OR2L13: variants seen among roughly 807,000 people sequenced by gnomAD.
OR2L13 encodes the protein olfactory receptor family 2 subfamily L member 13.
A neutral mutation model predicts 15.3 loss-of-function variants in OR2L13; 14 were observed. The ratio of observed to expected loss-of-function variants is 0.91; its 90% CI spans 0.60 to 1.43. OR2L13 has a LOEUF of 1.43. OR2L13 is among the 40% of genes most tolerant of loss of function. The pLI is 0.00. For missense variants in OR2L13, 367 were observed against 387.9 expected, an observed-to-expected ratio of 0.95 and a Z score of 0.45; for synonymous variants, 152 against 142.9, an observed-to-expected ratio of 1.06 and a Z score of -0.45.
chr1:247,969,775 C>A, the OR2L13 span, among the ~76,000 whole-genome samples: 2 of 152,102 alleles, frequency 1.3e-5, no homozygotes, highest in Non-Finnish European at 2.9e-5. Flanking sequence ...TATTCAGATG[C>A]CTTGCATTTT....
the OR2L13 span, among the ~76,000 whole-genome samples, chr1:247,938,802 T>TA: frequency 6.6e-6 from 1 of 152,210 alleles, no homozygotes; most frequent in East Asian, 1.9e-4. Context: ...ACCACATACC[T>TA]AAAGTACTGC....
At chr1:247,968,016 G>C in the OR2L13 span, among the ~76,000 whole-genome samples, 1 of 151,024 alleles carries the variant, frequency 6.6e-6, no homozygotes, top group Non-Finnish European at 1.5e-5. Flanking sequence ...TCTCATTACT[G>C]TGTATCATAT....
At chr1:248,042,150 A>C in the OR2L13 span, 1 of 152,232 alleles carries the variant, frequency 6.6e-6, no homozygotes, top group Non-Finnish European at 1.5e-5. Flanking sequence ...TGTGGCACAT[A>C]TACACCATGG....
chr1:248,061,643 C>A, the OR2L13 span: 1 of 1,591,286 alleles, frequency 6.3e-7, no homozygotes, highest in Non-Finnish European at 8.6e-7. Flanking sequence ...CCTAAGGTCT[C>A]AGGACTCAGA....
the OR2L13 span, among the ~76,000 whole-genome samples, chr1:247,938,499 C>T: frequency 4.6e-5 from 7 of 152,086 alleles, no homozygotes; most frequent in Non-Finnish European, 8.8e-5. Context: ...GTTTAGAAGT[C>T]AGAATTCATA....
the OR2L13 span, among the ~76,000 whole-genome samples, chr1:247,940,123 C>T: frequency 1.3e-5 from 2 of 152,152 alleles, no homozygotes; most frequent in South Asian, 4.1e-4. Flanking sequence ...AAAATACATG[C>T]ACATACACAT....
At chr1:248,027,546 C>G in the OR2L13 span, among the ~76,000 whole-genome samples, 1 of 152,094 alleles carries the variant, frequency 6.6e-6, no homozygotes, top group East Asian at 1.9e-4. Flanking sequence ...TGTGATGTCT[C>G]CCCCGGACAC....
chr1:248,092,294 C>A (rs1480782552), upstream of OR2L13, among the ~76,000 whole-genome samples: 1 of 152,090 alleles, frequency 6.6e-6, no homozygotes, highest in East Asian at 1.9e-4. Context: ...ATTGCTCTGG[C>A]TAAGACTTCC....
At chr1:247,968,100 T>C in the OR2L13 span, among the ~76,000 whole-genome samples, 2 of 152,046 alleles carry the variant, frequency 1.3e-5, no homozygotes, top group Non-Finnish European at 2.9e-5. Context: ...AAAAAGCATA[T>C]ATGTGGTGCT....
the OR2L13 span, among the ~76,000 whole-genome samples, chr1:248,027,878 C>A: frequency 1.3e-5 from 2 of 152,026 alleles, no homozygotes; most frequent in Admixed American, 6.5e-5. Context: ...AACATGTCCA[C>A]ACCTGTGATC....
chr1:248,078,356 C>T, the OR2L13 span, among the ~76,000 whole-genome samples: 1 of 151,928 alleles, frequency 6.6e-6, no homozygotes, highest in African/African-American at 2.4e-5. Context: ...TGACGTAGTC[C>T]CAGCTACTCG....
chr1:248,002,385 C>T, the OR2L13 span, among the ~76,000 whole-genome samples: 1 of 152,176 alleles, frequency 6.6e-6, no homozygotes. Context: ...TCATTGTCTC[C>T]AACTAATACT....
chr1:248,038,418 G>A, the OR2L13 span: 1 of 1,613,474 alleles, frequency 6.2e-7, no homozygotes, highest in Non-Finnish European at 8.5e-7. Flanking sequence ...CATCTTTTTG[G>A]ACATCCATCT....
chr1:248,000,245 A>G, the OR2L13 span, among the ~76,000 whole-genome samples: 3 of 151,746 alleles, frequency 2.0e-5, no homozygotes, highest in Non-Finnish European at 4.4e-5. Flanking sequence ...AAAGCTGAGG[A>G]AAGTATAGGG....
At chr1:247,964,388 G>A in the OR2L13 span, among the ~76,000 whole-genome samples, 2 of 152,090 alleles carry the variant, frequency 1.3e-5, no homozygotes, top group East Asian at 1.9e-4. Context: ...GAACTGCTGC[G>A]TTATAGCACA....
chr1:247,975,118 CT>C, the OR2L13 span: 1 of 375,868 alleles, frequency 2.7e-6, no homozygotes, highest in South Asian at 2.5e-5. Context: ...TAGCTGTTTG[CT>C]TTCCTCTCCA....
the OR2L13 span, among the ~76,000 whole-genome samples, chr1:247,951,077 AAATT>A: frequency 6.6e-6 from 1 of 151,590 alleles, no homozygotes; most frequent in Non-Finnish European, 1.5e-5. Context: ...TAAAAATAAA[AAATT>A]AAATCAGTTA....
At chr1:247,971,613 G>A in the OR2L13 span, among the ~76,000 whole-genome samples, 2 of 151,970 alleles carry the variant, frequency 1.3e-5, no homozygotes, top group Admixed American at 6.6e-5. Flanking sequence ...GTAAGAAAGG[G>A]GTCCAGTTTC....
chr1:248,061,415 C>T, the OR2L13 span: 1 of 1,614,140 alleles, frequency 6.2e-7, no homozygotes, highest in Non-Finnish European at 8.5e-7. Context: ...ACCCACCTCA[C>T]TGTAGTAACT....
Sources: allele counts gnomAD v4.1 joint callset (sites outside exome capture counted in the v4.1 genomes callset), GRCh38; gene constraint gnomAD v4.1.1; transcripts MANE v1.5; gene names NCBI Gene and HGNC (gene_info 2026-07-23, HGNC 2026-07-21).